The following DNAJC1 variants were observed in gnomAD, a reference collection of about 807,000 sequenced individuals.
The protein encoded by DNAJC1 is DnaJ heat shock protein family (Hsp40) member C1.
DNAJC1 carries 58 observed loss-of-function variants against 76.6 expected under a neutral mutation model. That is an observed-to-expected ratio of 0.76 (90% CI 0.61 to 0.94). The LOEUF (loss-of-function observed/expected upper bound fraction) is 0.94, where lower values mean the gene tolerates loss of function less well. DNAJC1 is among the 40% of genes least tolerant of loss of function. The pLI is 0.00. For missense variants in DNAJC1, 689 were observed against 677.3 expected, an observed-to-expected ratio of 1.02 and a Z score of -0.19; for synonymous variants, 258 against 267.9, an observed-to-expected ratio of 0.96 and a Z score of 0.36.
chr10:21,813,220 CTATATATATA>C (rs777283982), intron 8 of DNAJC1, among the ~76,000 whole-genome samples: 1 of 19,088 alleles, frequency 5.2e-5, no homozygotes, highest in Non-Finnish European at 8.7e-5. Context: ...CTCTCTCTCT[CTATATATATA>C]TATATATATA....
intron 1 of DNAJC1, among the ~76,000 whole-genome samples, chr10:21,964,471 C>T (rs1411195711): frequency 6.6e-6 from 1 of 152,228 alleles, no homozygotes; most frequent in Non-Finnish European, 1.5e-5. Flanking sequence ...CTTGGTCTCC[C>T]ACAGTGCTGG....
At chr10:21,802,813 T>A (rs1043042877) in intron 9 of DNAJC1, among the ~76,000 whole-genome samples, 3 of 152,172 alleles carry the variant, frequency 2.0e-5, no homozygotes, top group Non-Finnish European at 4.4e-5. Flanking sequence ...TTAGGAAACC[T>A]GCAGTTAATC....
intron 3 of DNAJC1, among the ~76,000 whole-genome samples, chr10:21,922,593 C>A (rs1391153061): frequency 1.3e-5 from 2 of 151,900 alleles, no homozygotes; most frequent in Non-Finnish European, 2.9e-5. Context: ...AATAATATGA[C>A]TTCATAAAAA....
chr10:21,960,896 A>C (rs1837779966), intron 1 of DNAJC1, among the ~76,000 whole-genome samples: 1 of 152,238 alleles, frequency 6.6e-6, no homozygotes, highest in Admixed American at 6.5e-5. Flanking sequence ...TCCAGAACTT[A>C]AAGTAAAATT....
At chr10:21,894,702 C>G (rs1836512750) in intron 7 of DNAJC1, among the ~76,000 whole-genome samples, 1 of 152,112 alleles carries the variant, frequency 6.6e-6, no homozygotes, top group African/African-American at 2.4e-5. Context: ...GTTTGTGTCC[C>G]CTCCAAAATT....
rs1402758726 is a variant in DNAJC1 at position 21,920,796 on chromosome 10, A to G, written c.537+2T>C. On this transcript the variant is annotated splice_donor_variant, in intron 4 of 11. Coordinates refer to ENST00000376980, the MANE Select transcript of DNAJC1 (RefSeq NM_022365.4). LOFTEE classifies it high-confidence loss of function. ...TTCATTTGATTTATTACTAACACTT[A>G]CCAGTTGTTTTTCCAGGTAGATTGA... 1 of 1,607,234 alleles carries G rather than the reference A, an allele frequency of 6.2e-7. No individual in the cohort carries two copies. The highest frequency in any genetic ancestry group is 2.2e-5 in the East Asian group (1 of 44,708).
intron 9 of DNAJC1, among the ~76,000 whole-genome samples, chr10:21,801,227 G>C (rs1046353793): frequency 6.6e-6 from 1 of 152,080 alleles, no homozygotes; most frequent in Non-Finnish European, 1.5e-5. Context: ...ATAAATGTTG[G>C]TTTGCTACAG....
At chr10:21,977,339 A>C (rs1177946744) in intron 1 of DNAJC1, among the ~76,000 whole-genome samples, 3 of 152,240 alleles carry the variant, frequency 2.0e-5, no homozygotes, top group Non-Finnish European at 2.9e-5. Flanking sequence ...TAGTCTAATT[A>C]ATCTACAAAG....
intron 7 of DNAJC1, among the ~76,000 whole-genome samples, chr10:21,885,891 C>T (rs763111958): frequency 5.1e-4 from 78 of 152,038 alleles, no homozygotes; most frequent in Admixed American, 9.8e-4. Flanking sequence ...TCAGAAAGAT[C>T]TCAAATTAAC....
intron 8 of DNAJC1, among the ~76,000 whole-genome samples, chr10:21,824,777 T>C (rs770325281): frequency 6.6e-6 from 1 of 152,188 alleles, no homozygotes. Context: ...TTTTTATTTA[T>C]TACTATTATT....
At chr10:21,993,557 C>G (rs993619189) in intron 1 of DNAJC1, among the ~76,000 whole-genome samples, 6 of 152,132 alleles carry the variant, frequency 3.9e-5, no homozygotes, top group Admixed American at 1.3e-4. Context: ...TACAACCCCT[C>G]AACATTTTTA....
intron 8 of DNAJC1, among the ~76,000 whole-genome samples, chr10:21,838,684 A>G (rs1025651103): frequency 1.3e-5 from 2 of 152,198 alleles, no homozygotes; most frequent in Non-Finnish European, 2.9e-5. Flanking sequence ...AACATTAGAC[A>G]GATCAACGAG....
intron 8 of DNAJC1, among the ~76,000 whole-genome samples, chr10:21,817,159 CAAAAAAAAAAA>C (rs1194285168): frequency 1.7e-5 from 1 of 59,906 alleles, no homozygotes; most frequent in Admixed American, 2.4e-4. Context: ...GATTCCGTCT[CAAAAAAAAAAA>C]AAAAAAAAAA....
At chr10:21,815,870 C>T (rs570565980) in intron 8 of DNAJC1, among the ~76,000 whole-genome samples, 4 of 151,492 alleles carry the variant, frequency 2.6e-5, no homozygotes, top group Non-Finnish European at 5.9e-5. Context: ...CTCAGCCTCC[C>T]GAGTAGCTGG....
At chr10:21,943,817 T>C (rs1837459373) in intron 1 of DNAJC1, among the ~76,000 whole-genome samples, 1 of 151,980 alleles carries the variant, frequency 6.6e-6, no homozygotes, top group South Asian at 2.1e-4. Flanking sequence ...AATTTCCCAA[T>C]GTTATGTTTC....
chr10:21,851,850 C>T (rs901610112), intron 8 of DNAJC1, among the ~76,000 whole-genome samples: 4 of 151,848 alleles, frequency 2.6e-5, no homozygotes, highest in African/African-American at 7.3e-5. Context: ...GGCAGGAGAT[C>T]GATACCATCC....
intron 7 of DNAJC1, among the ~76,000 whole-genome samples, chr10:21,897,978 A>G (rs1326781741): frequency 6.6e-6 from 1 of 152,252 alleles, no homozygotes; most frequent in East Asian, 1.9e-4. Flanking sequence ...AATCCAAGGA[A>G]TCTACATTAA....
chr10:21,817,796 C>A (rs573461588), intron 8 of DNAJC1, among the ~76,000 whole-genome samples: 3 of 152,118 alleles, frequency 2.0e-5, no homozygotes, highest in African/African-American at 7.2e-5. Flanking sequence ...CCTGTCTTTA[C>A]GGCAATCTCT....
rs183942376 is a variant in DNAJC1 at position 21,792,176 on chromosome 10, A to T, written c.1098+13804T>A. On this transcript the variant is annotated intron_variant, in intron 9 of 11. Transcript: ENST00000376980. The stretch of plus-strand genomic sequence containing the variant: ...AAAATTTAATCAAGAAGAAATAGAA[A>T]ATCTGAATAGACCCGTAATAACTTA... Among the ~76,000 whole-genome samples, 588 of 152,344 alleles carry T rather than the reference A, an allele frequency of 3.9e-3. 5 individuals carry two copies. Among genetic ancestry groups the T allele is most frequent in the African/African-American group, 0.013 (556 of 41,584 alleles).
Sources: gnomAD v4.1 joint callset for allele counts (sites outside exome capture counted in the v4.1 genomes callset) on GRCh38, gnomAD v4.1.1 for gene constraint, MANE v1.5 for transcripts, NCBI Gene and HGNC (gene_info 2026-07-23, HGNC 2026-07-21) for gene names.